The following CHRNA10 variants were observed in gnomAD, a reference collection of about 807,000 sequenced individuals.
CHRNA10 encodes cholinergic receptor nicotinic alpha 10 subunit, also known as neuronal acetylcholine receptor subunit alpha-10.
A neutral mutation model predicts 36.0 loss-of-function variants in CHRNA10; 31 were observed. That is an observed-to-expected ratio of 0.86 (90% CI 0.65 to 1.16). The LOEUF (loss-of-function observed/expected upper bound fraction) is 1.16. CHRNA10 is among the 50% of genes most tolerant of loss of function. CHRNA10 has a pLI of 0.00. For missense variants in CHRNA10, 648 were observed against 640.9 expected (o/e 1.01, Z -0.12); for synonymous variants, 302 against 287.0 (o/e 1.05, Z -0.53).
rs1056377349 is a variant in CHRNA10 at position 3,667,118 on chromosome 11, G to A, written c.895+114C>T. On this transcript the variant is annotated intron_variant, in intron 4 of 4. Transcript: ENST00000250699. ...TAAAATGAGGGCACGTTCCCAGGAC[G>A]CCCCCCTCTCACTTTCTGCAGTGGG... 86 of 1,406,570 alleles carry A rather than the reference G, an allele frequency of 6.1e-5. 2 individuals carry two copies. In the South Asian group the frequency reaches 1.2e-3, roughly 20 times the overall value. 87.1% of individuals were successfully genotyped at this position (1,406,570 alleles called of 1,614,324 possible).
Position 3,667,390 on chromosome 11 carries a change from G to A in CHRNA10, c.737C>T (p.Pro246Leu), listed in dbSNP as rs778830088. 16 of 1,601,472 alleles carry A rather than the reference G, an allele frequency of 1.0e-5. No homozygotes were observed. The highest frequency in any genetic ancestry group is 1.1e-5 in the Non-Finnish European group (13 of 1,178,248). ...CGCAAGCAGCGAGATGAGCACGCAG[G>A]GCAGCAGCAGGTTGCACACGTAGGC... The part of the protein sequence containing the change: ...AAAYVCNLLL[P>L]CVLISLLAPL... The change falls in exon 4 of 5, where the codon CCC (proline) becomes CTC (leucine). Residue 246 changes from proline (P) to leucine (L), a missense_variant. By Grantham distance (98) the Pro-to-Leu change is moderately conservative. Transcript: ENST00000250699.
In CHRNA10 at chr11:3,666,274, G is replaced by A. The variant is rs143107810; in HGVS notation, c.1186C>T (p.Leu396=). The change falls in exon 5 of 5, where the codon CTG becomes TTG. Residue 396 remains leucine (L), a synonymous_variant. Coordinates refer to ENST00000250699, the MANE Select transcript of CHRNA10 (RefSeq NM_020402.4). ...TTGGCAATGGTGGCTACGTGGTGCAGTAGGGCTTCCTGGCGGCACAGACAT... is the reference window on the plus strand; with the variant it reads ...TTGGCAATGGTGGCTACGTGGTGCAATAGGGCTTCCTGGCGGCACAGACAT... ...PRCLCRQEAL[L]HHVATIANTF... 1.6e-5 allele frequency: 26 copies of A among 1,614,036 alleles called. No homozygotes were observed. In the African/African-American group the frequency reaches 3.2e-4, roughly 20 times the overall value.
In CHRNA10 at chr11:3,667,251, G is replaced by A. The variant is rs777862613; in HGVS notation, c.876C>T (p.Ala292=). The A allele has an allele frequency of 1.9e-6, 3 of 1,589,802 alleles. No individual in the cohort carries two copies. The highest frequency in any genetic ancestry group is 1.7e-5 in the Admixed American group (1 of 58,742). ...GCTCACCGATGAGCGGCACGCTCTCGGCCGGTGGCATGCTCTCGGCCAGCA... is the reference window on the plus strand; with the variant it reads ...GCTCACCGATGAGCGGCACGCTCTCAGCCGGTGGCATGCTCTCGGCCAGCA... ...QLLLAESMPP[A]ESVPLIGKYY... Residue 292 remains alanine, a synonymous_variant, in exon 4 of 5, where the codon GCC becomes GCT. Coordinates refer to ENST00000250699, the MANE Select transcript of CHRNA10 (RefSeq NM_020402.4).
At chr11:3,669,098 C>G (rs1011206255) in intron 3 of CHRNA10, 98 bp downstream of exon 3, 5 of 1,378,604 alleles carry the variant, frequency 3.6e-6, no homozygotes, top group African/African-American at 1.4e-5. Context: ...AGCGTGGCAA[C>G]CAGGTTATGT....
At chr11:3,669,426 A>G (rs2077696093) in intron 2 of CHRNA10, 76 bp from the exon 3 acceptor site, 1 of 1,551,750 alleles carries the variant, frequency 6.4e-7, no homozygotes, top group Non-Finnish European at 8.8e-7. Context: ...ACTCCCCTGC[A>G]GGGCTCTGGT....
intron 1 of CHRNA10, 83 bp downstream of exon 1, chr11:3,671,169 A>G: frequency 7.4e-7 from 1 of 1,358,068 alleles, no homozygotes; most frequent in East Asian, 2.3e-5. Flanking sequence ...AACACAAGAG[A>G]GACTACATGG....
intron 4 of CHRNA10, 104 bp downstream of exon 4, chr11:3,667,128 C>T (rs1208853924): frequency 7.0e-7 from 1 of 1,423,164 alleles, no homozygotes; most frequent in African/African-American, 1.5e-5. Flanking sequence ...GCCCCCCTCT[C>T]ACTTTCTGCA....
Position 3,667,378 on chromosome 11 carries a change from A to T in CHRNA10, c.749T>A (p.Ile250Asn), listed in dbSNP as rs1440250045. The T allele has an allele frequency of 1.2e-6, 2 of 1,601,894 alleles. No homozygotes were observed. The highest frequency in any genetic ancestry group is 1.7e-6 in the Non-Finnish European group (2 of 1,178,632). ...GAAGGCGAGCGGCGCAAGCAGCGAG[A>T]TGAGCACGCAGGGCAGCAGCAGGTT... ...VCNLLLPCVL[I>N]SLLAPLAFHL... Residue 250 changes from isoleucine to asparagine, a missense_variant, in exon 4 of 5, where the codon ATC (isoleucine) becomes AAC (asparagine). Physicochemically the swap from Ile to Asn is moderately radical, Grantham distance 149. Transcript: ENST00000250699.
In CHRNA10 at chr11:3,667,420, G is replaced by T. The variant is rs754915280; in HGVS notation, c.707C>A (p.Ala236Asp). ...VTFTLLLRRR[A>D]AAYVCNLLLP... ...CAGCAGGTTGCACACGTAGGCGGCG[G>T]CGCGGCGGCGCAGCAGCAGCGTGAA... Residue 236 changes from alanine (A) to aspartate (D), a missense_variant, in exon 4 of 5, where the codon GCC becomes GAC. By Grantham distance (126) the Ala-to-Asp change is moderately radical. Coordinates refer to ENST00000250699, the MANE Select transcript of CHRNA10 (RefSeq NM_020402.4). 1.3e-6 allele frequency: 2 copies of T among 1,596,910 alleles called. No homozygotes were observed. The highest frequency in any genetic ancestry group is 3.4e-5 in the Admixed American group (2 of 59,598).
chr11:3,668,894 G>C (rs2077691377), intron 3 of CHRNA10: 1 of 264,874 alleles, frequency 3.8e-6, no homozygotes, highest in Non-Finnish European at 7.1e-6. Flanking sequence ...GCTCTTCGGG[G>C]AGCCCTGAGA....
intron 1 of CHRNA10, 198 bp downstream of exon 1, chr11:3,671,054 C>A: frequency 1.6e-6 from 1 of 608,540 alleles, no homozygotes; most frequent in Admixed American, 2.9e-5. Flanking sequence ...TCCCCGCTCA[C>A]TGTTTCCACC....
At chr11:3,671,202 A>C (rs753117108) in intron 1 of CHRNA10, 50 bp downstream of exon 1, 1 of 1,566,904 alleles carries the variant, frequency 6.4e-7, no homozygotes, top group East Asian at 2.2e-5. Flanking sequence ...GGAGAACAGG[A>C]ATAGTAGCAC....
rs975022671 is a variant in CHRNA10, at chr11:3,669,932, C to T, written c.71G>A (p.Gly24Glu). 1 of 1,614,058 alleles carries T rather than the reference C, an allele frequency of 6.2e-7. No homozygotes were observed. Among genetic ancestry groups the T allele is most frequent in the African/African-American group, 1.3e-5 (1 of 74,914 alleles). The change falls in exon 2 of 5, where the codon GGA (glycine) becomes GAA (glutamate). Residue 24 changes from glycine (G) to glutamate (E), a missense_variant. By Grantham distance (98) the Gly-to-Glu change is moderately conservative. Transcript: ENST00000250699. ...LLFLLPAECL[G>E]AEGRLALKLF... is the part of the protein sequence containing the mutation. ...CTTGAGAGCCAGCCGGCCCTCAGCT[C>T]CCAGGCACTCTGGAGGGTCAGTAAG...
In CHRNA10 at chr11:3,667,222, C is replaced by T. The variant is rs925139829; in HGVS notation, c.895+10G>A. 1.9e-6 allele frequency: 3 copies of T among 1,559,234 alleles called. No individual in the cohort carries two copies. The highest frequency in any genetic ancestry group is 2.6e-6 in the Non-Finnish European group (3 of 1,160,618). On this transcript the variant is annotated intron_variant, in intron 4 of 4. Coordinates refer to ENST00000250699, the MANE Select transcript of CHRNA10 (RefSeq NM_020402.4). Reference sequence around the variant, plus strand: ...GCATCGTCAGGTCCCCCCGCGCCCCCGCTGCTCACCGATGAGCGGCACGCT... The same window carrying T: ...GCATCGTCAGGTCCCCCCGCGCCCCTGCTGCTCACCGATGAGCGGCACGCT...
intron 2 of CHRNA10, 63 bp from the exon 3 acceptor site, chr11:3,669,413 C>T: frequency 7.0e-6 from 11 of 1,569,622 alleles, no homozygotes; most frequent in African/African-American, 1.3e-5. Flanking sequence ...CCTGTCTGTG[C>T]ACACTCCCCT....
rs746695483 is a variant in CHRNA10 at position 3,667,700 on chromosome 11, G to A, written c.427C>T (p.Arg143Cys). The change falls in exon 4 of 5, where the codon CGC becomes TGC. Residue 143 changes from arginine (R) to cysteine (C), a missense_variant. Physicochemically the swap from Arg to Cys is radical, Grantham distance 180 (BLOSUM62 -3). Transcript: ENST00000250699. ...CGCGTGATGGCCGGCGCGTCCCAGC[G>A]CACGGCGCCATCGTGGCGCAGGACC... is the stretch of plus-strand genomic sequence containing the variant. ...NVVLRHDGAVRWDAPAITRSS... is the reference protein window; with the variant it reads ...NVVLRHDGAVCWDAPAITRSS... 26 of 1,573,486 alleles carry A rather than the reference G, an allele frequency of 1.7e-5. No homozygotes were observed. The highest frequency in any genetic ancestry group is 1.4e-4 in the East Asian group (6 of 43,294).
rs2077679390 is a variant in CHRNA10, at chr11:3,667,760, C to A, written c.367G>T (p.Asp123Tyr). The A allele has an allele frequency of 1.3e-6, 2 of 1,531,906 alleles. No individual in the cohort carries two copies. The highest frequency in any genetic ancestry group is 2.4e-5 in the East Asian group (1 of 41,742). The allele number at this position is 1,531,906 out of a possible 1,614,324, so 94.9% of individuals were successfully genotyped here. A position where few individuals can be genotyped will look rare whatever the true frequency, so the allele number is the denominator to read the frequency against. Reference sequence around the variant, plus strand: ...CTGGCGGAACCTGGAGGCTGCGCGTCGGCTCTGGGGGCAGGCGGGGCAGGG... The same window carrying A: ...CTGGCGGAACCTGGAGGCTGCGCGTAGGCTCTGGGGGCAGGCGGGGCAGGG... Reference protein sequence around the residue: ...RPDIVLYNKADAQPPGSASTN... With the variant: ...RPDIVLYNKAYAQPPGSASTN... The change falls in exon 4 of 5, where the codon GAC becomes TAC. Residue 123 changes from aspartate to tyrosine, a missense_variant. Coordinates refer to ENST00000250699, the MANE Select transcript of CHRNA10 (RefSeq NM_020402.4).
At chr11:3,668,979 C>T (rs2077692148) in intron 3 of CHRNA10, 2 of 539,036 alleles carry the variant, frequency 3.7e-6, no homozygotes, top group Non-Finnish European at 6.6e-6. Context: ...CAGTAGGTTC[C>T]GAGGAGACGT....
Position 3,667,687 on chromosome 11 carries a change from G to A in CHRNA10, c.440C>T (p.Pro147Leu), listed in dbSNP as rs772955497. ...RHDGAVRWDA[P>L]AITRSSCRVD... ...GCGGCACGAGCTGCGCGTGATGGCC[G>A]GCGCGTCCCAGCGCACGGCGCCATC... Residue 147 changes from proline (P) to leucine (L), a missense_variant, in exon 4 of 5, where the codon CCG (proline) becomes CTG (leucine). Physicochemically the swap from Pro to Leu is moderately conservative, Grantham distance 98. Coordinates refer to ENST00000250699, the MANE Select transcript of CHRNA10 (RefSeq NM_020402.4). 1.2e-5 allele frequency: 19 copies of A among 1,570,560 alleles called. No individual in the cohort carries two copies. In the Admixed American group the frequency reaches 2.8e-4, roughly 23 times the overall value.
Sources: gnomAD v4.1 joint callset for allele counts on GRCh38, gnomAD v4.1.1 for gene constraint, MANE v1.5 for transcripts, NCBI Gene and HGNC (gene_info 2026-07-23, HGNC 2026-07-21) for gene names.